Variants in DNAH11 observed in about 807,000 individuals in gnomAD.
DNAH11 encodes the protein dynein axonemal heavy chain 11, also known as axonemal beta dynein heavy chain 11.
In DNAH11, 442 loss-of-function variants were observed where a neutral mutation model predicts 526.0. That is an observed-to-expected ratio of 0.84 (90% CI 0.78 to 0.91). DNAH11 has a LOEUF of 0.91. Ranked by LOEUF, DNAH11 falls within the 40% of genes least tolerant of loss-of-function variation. The pLI is 0.00. For synonymous variants in DNAH11, 2,461 were observed against 1,935.9 expected, an observed-to-expected ratio of 1.27 and a Z score of -7.12; for missense variants, 6,989 against 5,448.7, an observed-to-expected ratio of 1.28 and a Z score of -8.90.
At chr7:21,657,475 G>A (rs1369042277) in intron 29 of DNAH11, among the ~76,000 whole-genome samples, 1 of 152,160 alleles carries the variant, frequency 6.6e-6, no homozygotes, top group Non-Finnish European at 1.5e-5. Context: ...GGTTGCCATT[G>A]TTGGCACAGT....
intron 74 of DNAH11, among the ~76,000 whole-genome samples, chr7:21,876,473 T>C (rs142170588): frequency 6.6e-6 from 1 of 152,342 alleles, no homozygotes; most frequent in Non-Finnish European, 1.5e-5. Context: ...TCTGTGAATA[T>C]GTTCCCATTG....
intron 32 of DNAH11, among the ~76,000 whole-genome samples, chr7:21,685,380 C>T (rs78207309): frequency 0.028 from 4,238 of 152,264 alleles, 85 homozygotes; most frequent in South Asian, 0.039. Context: ...AGTTTATTAA[C>T]TTTGAAATTA....
chr7:21,568,537 C>T (rs1012761385), intron 6 of DNAH11, among the ~76,000 whole-genome samples: 3 of 152,088 alleles, frequency 2.0e-5, no homozygotes, highest in African/African-American at 7.2e-5. Flanking sequence ...CGTTCTGCCT[C>T]CCCGTGCAAG....
At chr7:21,859,028 T>G (rs905199671) in intron 68 of DNAH11, among the ~76,000 whole-genome samples, 1 of 152,216 alleles carries the variant, frequency 6.6e-6, no homozygotes, top group South Asian at 2.1e-4. Context: ...ATGCACTTTA[T>G]GCACAAAATT....
At chr7:21,707,074 C>T (rs1170130039) in intron 39 of DNAH11, among the ~76,000 whole-genome samples, 1 of 152,194 alleles carries the variant, frequency 6.6e-6, no homozygotes, top group East Asian at 1.9e-4. Context: ...AGCAACCTCC[C>T]TGGTCTCTAT....
rs932950191 is a variant in DNAH11, at chr7:21,621,302, A to G, written c.4500+1224A>G. Among the ~76,000 whole-genome samples, 18 of 152,208 alleles carry G rather than the reference A, an allele frequency of 1.2e-4. 1 individual carries two copies. Among genetic ancestry groups the G allele is most frequent in the Non-Finnish European group, 7.3e-5 (5 of 68,044 alleles). On this transcript the variant is annotated intron_variant, in intron 25 of 81. Transcript: ENST00000409508. ...AGTTGACTCTCTGAATAGACCAATA[A>G]CAGGCTCCGAAATTGTGGCAATAAT... is the stretch of plus-strand genomic sequence containing the variant.
chr7:21,751,002 G>A (rs1392743022), intron 54 of DNAH11, among the ~76,000 whole-genome samples: 1 of 152,112 alleles, frequency 6.6e-6, no homozygotes, highest in African/African-American at 2.4e-5. Context: ...GATGATGTCA[G>A]TGACTTCAGG....
At chr7:21,573,511 TA>T (rs1327179892) in intron 8 of DNAH11, among the ~76,000 whole-genome samples, 2 of 151,930 alleles carry the variant, frequency 1.3e-5, no homozygotes, top group African/African-American at 4.8e-5. Flanking sequence ...ATTACTTTTT[TA>T]AAAAAATGTG....
intron 44 of DNAH11, among the ~76,000 whole-genome samples, chr7:21,725,324 A>G (rs955291003): frequency 2.6e-5 from 4 of 152,214 alleles, no homozygotes; most frequent in African/African-American, 7.2e-5. Flanking sequence ...TAGGAATGGT[A>G]TAGAGTTGCC....
chr7:21,568,408 ATTT>A (rs1331601545), intron 6 of DNAH11, among the ~76,000 whole-genome samples: 1 of 152,154 alleles, frequency 6.6e-6, no homozygotes, highest in Non-Finnish European at 1.5e-5. Flanking sequence ...CATTTCCCTC[ATTT>A]TGCAGCTAAG....
intron 28 of DNAH11, among the ~76,000 whole-genome samples, chr7:21,652,709 C>T (rs1781833415): frequency 1.3e-5 from 2 of 152,216 alleles, no homozygotes; most frequent in South Asian, 2.1e-4. Flanking sequence ...TTGTACTATT[C>T]TGCAAAGTCA....
rs1180338054 is a variant in DNAH11, at chr7:21,864,723, GA to G, written c.11496+69del. On this transcript the variant is annotated intron_variant, in intron 70 of 81. Coordinates refer to ENST00000409508, the MANE Select transcript of DNAH11 (RefSeq NM_001277115.2). ...TAAAATATTAGCTCTCTCCAGTGTT[GA>G]AATGTAAACATTAAAGAATACAGGT... is the stretch of plus-strand genomic sequence containing the variant. The G allele has an allele frequency of 2.1e-6, 3 of 1,447,698 alleles. No individual in the cohort carries two copies. In the African/African-American group the frequency reaches 4.2e-5, roughly 20 times the overall value. The allele number at this position is 1,447,698 out of a possible 1,614,324, so 89.7% of individuals were successfully genotyped here. A position where few individuals can be genotyped will look rare whatever the true frequency, so the allele number is the denominator to read the frequency against.
intron 57 of DNAH11, among the ~76,000 whole-genome samples, chr7:21,783,022 A>G (rs1004368877): frequency 6.6e-6 from 1 of 152,054 alleles, no homozygotes; most frequent in Non-Finnish European, 1.5e-5. Flanking sequence ...TTTTTTAATG[A>G]TGCCATTATA....
chr7:21,721,595 C>A (rs187881537), intron 44 of DNAH11, among the ~76,000 whole-genome samples: 1 of 152,122 alleles, frequency 6.6e-6, no homozygotes, highest in African/African-American at 2.4e-5. Context: ...CCGCTGTGTC[C>A]CCATGTGACA....
At chr7:21,704,336 G>C (rs1427199667) in intron 37 of DNAH11, 98 bp from the exon 38 acceptor site, 4 of 1,205,718 alleles carry the variant, frequency 3.3e-6, no homozygotes, top group Non-Finnish European at 2.3e-6. Context: ...AATATCTCAT[G>C]CTTCACATAT....
At chr7:21,581,087 C>T (rs190653298) in intron 8 of DNAH11, among the ~76,000 whole-genome samples, 1 of 152,244 alleles carries the variant, frequency 6.6e-6, no homozygotes. Context: ...AATTCTATTA[C>T]CGTTGTTATT....
chr7:21,814,085 G>C (rs150389683), intron 63 of DNAH11, among the ~76,000 whole-genome samples: 19 of 152,176 alleles, frequency 1.2e-4, no homozygotes, highest in Admixed American at 1.0e-3. Context: ...ATTGAATGCT[G>C]TAGGCAATTG....
chr7:21,863,458 G>A (rs1783152211), intron 69 of DNAH11, among the ~76,000 whole-genome samples: 1 of 152,162 alleles, frequency 6.6e-6, no homozygotes, highest in South Asian at 2.1e-4. Flanking sequence ...CTCCCGAGTA[G>A]CTGGGACTAC....
chr7:21,831,983 G>A (rs985618709), intron 65 of DNAH11, among the ~76,000 whole-genome samples: 8 of 152,000 alleles, frequency 5.3e-5, no homozygotes, highest in African/African-American at 1.9e-4. Flanking sequence ...CCAGCTACTC[G>A]GGAGGCTGAG....
Sources: gnomAD v4.1 joint callset for allele counts (sites outside exome capture counted in the v4.1 genomes callset) on GRCh38, gnomAD v4.1.1 for gene constraint, MANE v1.5 for transcripts, NCBI Gene and HGNC (gene_info 2026-07-23, HGNC 2026-07-21) for gene names.